AASDHPPT: variants seen among roughly 807,000 people sequenced by gnomAD.
AASDHPPT encodes the protein L-aminoadipate-semialdehyde dehydrogenase-phosphopantetheinyl transferase.
Under a neutral mutation model 36.4 loss-of-function variants are expected in AASDHPPT, and 23 were observed. The ratio of observed to expected loss-of-function variants is 0.63; its 90% CI spans 0.45 to 0.89. AASDHPPT has a LOEUF of 0.89. Ranked by LOEUF, AASDHPPT falls within the 40% of genes least tolerant of loss-of-function variation. The probability of loss-of-function intolerance (pLI) is 0.00; values close to 1 mark genes in which losing one functional copy is unlikely to be tolerated. For synonymous variants in AASDHPPT, 115 were observed against 128.0 expected, an observed-to-expected ratio of 0.90 and a Z score of 0.68; for missense variants, 377 against 378.2, an observed-to-expected ratio of 1.00 and a Z score of 0.03.
intron 2 of AASDHPPT, among the ~76,000 whole-genome samples, chr11:106,089,951 A>G (rs1861237948): frequency 6.6e-6 from 1 of 152,058 alleles, no homozygotes; most frequent in Non-Finnish European, 1.5e-5. Flanking sequence ...TTTTATTTGA[A>G]TAAGTCATAT....
intron 4 of AASDHPPT, 39 bp downstream of exon 4, chr11:106,091,516 T>C: frequency 6.5e-7 from 1 of 1,533,454 alleles, no homozygotes; most frequent in Non-Finnish European, 8.7e-7. Context: ...TAAGAATTTC[T>C]ATTTTTTATG....
chr11:106,085,057 T>C (rs1034306972), intron 2 of AASDHPPT, among the ~76,000 whole-genome samples: 2 of 152,192 alleles, frequency 1.3e-5, no homozygotes, highest in African/African-American at 2.4e-5. Flanking sequence ...TATCAGAAAG[T>C]CATTGCCTCA....
In AASDHPPT at chr11:106,096,827, A is replaced by G. The variant is rs749627809; in HGVS notation, c.850A>G (p.Met284Val). The G allele has an allele frequency of 1.2e-6, 2 of 1,612,106 alleles. No individual in the cohort carries two copies. The highest frequency in any genetic ancestry group is 1.7e-6 in the Non-Finnish European group (2 of 1,179,082). The change falls in exon 6 of 6, where the codon ATG becomes GTG. Residue 284 changes from methionine (M) to valine (V), a missense_variant. By Grantham distance (21) the Met-to-Val change is conservative (BLOSUM62 1). Transcript: ENST00000278618. ...FNDLMSSAVP[M>V]TPEDPSFWDC... ...TGATTTAATGTCATCTGCCGTTCCC[A>G]TGACACCTGAAGATCCTTCATTTTG...
chr11:106,095,661 G>C (rs188184103), intron 5 of AASDHPPT: 27 of 152,246 alleles, frequency 1.8e-4, no homozygotes, highest in Admixed American at 9.2e-4. Context: ...CAATATATAT[G>C]CATCGTTACT....
chr11:106,082,407 C>G (rs2135037174), intron 2 of AASDHPPT, among the ~76,000 whole-genome samples: 1 of 152,208 alleles, frequency 6.6e-6, no homozygotes, highest in South Asian at 2.1e-4. Context: ...AAGAGTCTTG[C>G]TAAATGATGC....
chr11:106,080,647 A>G lies in AASDHPPT; in HGVS notation c.409+955A>G, dbSNP rs538615863. 2.6e-5 allele frequency among the ~76,000 whole-genome samples: 4 copies of G among 152,310 alleles called. No individual in the cohort carries two copies. The South Asian group carries it at 8.3e-4, about 32-fold the overall frequency. On this transcript the variant is annotated intron_variant, in intron 2 of 5. Coordinates refer to ENST00000278618, the MANE Select transcript of AASDHPPT (RefSeq NM_015423.3). ...ATTCTGTGATTTAATTCTCTCAACTACCCTATGATGCATATACTGCTATTT... is the reference window on the plus strand; with the variant it reads ...ATTCTGTGATTTAATTCTCTCAACTGCCCTATGATGCATATACTGCTATTT...
chr11:106,096,571 T>G (rs961801453), intron 5 of AASDHPPT, 172 bp from the exon 6 acceptor site: 5 of 457,154 alleles, frequency 1.1e-5, no homozygotes, highest in Non-Finnish European at 1.8e-5. Flanking sequence ...TTTTTTTGAT[T>G]TGTTGTATTG....
intron 2 of AASDHPPT, among the ~76,000 whole-genome samples, chr11:106,080,069 T>C (rs1861119395): frequency 6.6e-6 from 1 of 152,204 alleles, no homozygotes; most frequent in African/African-American, 2.4e-5. Context: ...AGTCCTTATG[T>C]AGAGATAACG....
intron 5 of AASDHPPT, among the ~76,000 whole-genome samples, chr11:106,095,602 A>G (rs768937726): frequency 1.9e-4 from 29 of 152,240 alleles, no homozygotes; most frequent in Non-Finnish European, 3.5e-4. Flanking sequence ...TGAAAACTAC[A>G]TGCATTCCAT....
intron 1 of AASDHPPT, 106 bp downstream of exon 1, chr11:106,077,999 C>T: frequency 1.5e-6 from 2 of 1,346,576 alleles, no homozygotes; most frequent in Non-Finnish European, 2.0e-6. Context: ...GACCCTCTCG[C>T]TGTGGAGCCT....
intron 3 of AASDHPPT, among the ~76,000 whole-genome samples, chr11:106,090,894 GTACT>G (rs61690973): frequency 0.61 from 92,599 of 151,318 alleles, 32,118 homozygotes; most frequent in Non-Finnish European, 0.77. Flanking sequence ...CAGTTAGAAA[GTACT>G]TACTTAAAGC....
chr11:106,085,082 T>G (rs764237091), intron 2 of AASDHPPT, among the ~76,000 whole-genome samples: 46 of 152,148 alleles, frequency 3.0e-4, no homozygotes, highest in Non-Finnish European at 2.8e-4. Context: ...ATAACAAAAT[T>G]AAAGTTTTAT....
chr11:106,086,759 G>A lies in AASDHPPT; in HGVS notation c.410-3798G>A, dbSNP rs968908859. Reference sequence around the variant, plus strand: ...TTGGGGCAAAATTCCTCTCATCTGTGGACTTGTGAAAGCAGAAAACAAGTC... The same window carrying A: ...TTGGGGCAAAATTCCTCTCATCTGTAGACTTGTGAAAGCAGAAAACAAGTC... On this transcript the variant is annotated intron_variant, in intron 2 of 5. Coordinates refer to ENST00000278618, the MANE Select transcript of AASDHPPT (RefSeq NM_015423.3). 5.4e-4 allele frequency among the ~76,000 whole-genome samples: 82 copies of A among 152,024 alleles called. 1 individual carries two copies. Among genetic ancestry groups the A allele is most frequent in the African/African-American group, 1.7e-3 (70 of 41,392 alleles).
chr11:106,079,788 A>G, intron 2 of AASDHPPT, 96 bp downstream of exon 2: 2 of 1,112,050 alleles, frequency 1.8e-6, no homozygotes, highest in South Asian at 2.9e-5. Flanking sequence ...TATTAGAGAT[A>G]TTTCAGTTTA....
At chr11:106,089,671 A>G (rs899546933) in intron 2 of AASDHPPT, 1 of 152,022 alleles carries the variant, frequency 6.6e-6, no homozygotes, top group African/African-American at 2.4e-5. Context: ...GAATGATGGT[A>G]GAAAGTTTGT....
chr11:106,090,950 T>G (rs984362249), intron 3 of AASDHPPT, among the ~76,000 whole-genome samples: 3 of 152,080 alleles, frequency 2.0e-5, no homozygotes, highest in African/African-American at 7.2e-5. Context: ...TTTTCTGTCA[T>G]AAAGGAACTA....
At chr11:106,096,698 TTAAC>T in intron 5 of AASDHPPT, 41 bp from the exon 6 acceptor site, 1 of 1,437,070 alleles carries the variant, frequency 7.0e-7, no homozygotes, top group South Asian at 1.4e-5. Context: ...GATCATAAGA[TTAAC>T]ATGCAATATA....
At chr11:106,083,782 A>G (rs1861167909) in intron 2 of AASDHPPT, among the ~76,000 whole-genome samples, 1 of 152,214 alleles carries the variant, frequency 6.6e-6, no homozygotes, top group Non-Finnish European at 1.5e-5. Flanking sequence ...AAATTTAAAA[A>G]TAAAAAAGTT....
chr11:106,093,863 T>C (rs747923294), intron 4 of AASDHPPT: 20 of 152,178 alleles, frequency 1.3e-4, no homozygotes, highest in Non-Finnish European at 2.2e-4. Context: ...CCACCATGAT[T>C]TTTCATACGT....
Sources: allele counts gnomAD v4.1 joint callset (sites outside exome capture counted in the v4.1 genomes callset), GRCh38; gene constraint gnomAD v4.1.1; transcripts MANE v1.5; gene names NCBI Gene and HGNC (gene_info 2026-07-23, HGNC 2026-07-21).